Variants in PTPRD observed in about 807,000 individuals in gnomAD.
The protein encoded by PTPRD is receptor-type tyrosine-protein phosphatase delta.
Under a neutral mutation model 214.5 loss-of-function variants are expected in PTPRD, and 34 were observed. The observed-to-expected ratio is 0.16, with a 90% confidence interval of 0.12 to 0.21. The LOEUF (loss-of-function observed/expected upper bound fraction) is 0.21, where lower values mean the gene tolerates loss of function less well. Among genes scored for constraint, PTPRD ranks in the 10% least tolerant of loss-of-function variants. PTPRD has a pLI of 1.00. For synonymous variants in PTPRD, 1,128 were observed against 845.7 expected, an observed-to-expected ratio of 1.33 and a Z score of -5.79; for missense variants, 2,545 against 2,398.7, an observed-to-expected ratio of 1.06 and a Z score of -1.27.
rs1821111527 is a variant in PTPRD, at chr9:8,315,392, A to G, written c.*2482T>C. 4.3e-6 allele frequency: 1 copy of G among 232,496 alleles called. No individual in the cohort carries two copies. The highest frequency in any genetic ancestry group is 2.2e-5 in the African/African-American group (1 of 45,278). 14.4% of individuals were successfully genotyped at this position (232,496 alleles called of 1,614,324 possible). A position where few individuals can be genotyped will look rare whatever the true frequency, so the allele number is the denominator to read the frequency against. On this transcript the variant is annotated 3_prime_UTR_variant, in exon 46 of 46. Transcript: ENST00000381196. Reference sequence around the variant, plus strand: ...CAATCATTCTGGTGTGCAGTGCTCCATCGGATTCTACATGTCCAACAAGGC... The same window carrying G: ...CAATCATTCTGGTGTGCAGTGCTCCGTCGGATTCTACATGTCCAACAAGGC...
At chr9:8,669,054 C>A (rs2097224451) in intron 12 of PTPRD, among the ~76,000 whole-genome samples, 1 of 152,094 alleles carries the variant, frequency 6.6e-6, no homozygotes, top group South Asian at 2.1e-4. Context: ...AGACTCAATT[C>A]TCTCTCCTCT....
intron 43 of PTPRD, among the ~76,000 whole-genome samples, chr9:8,332,435 C>G (rs938380228): frequency 9.2e-5 from 14 of 152,064 alleles, no homozygotes; most frequent in African/African-American, 3.4e-4. Context: ...TCAAGGATAC[C>G]AACGACTATT....
At chr9:8,342,123 TAAAGTCA>T (rs1449191482) in intron 39 of PTPRD, 145 bp from the exon 40 acceptor site, 5 of 824,076 alleles carry the variant, frequency 6.1e-6, no homozygotes, top group African/African-American at 3.4e-5. Context: ...TGTAATACTC[TAAAGTCA>T]AAAGTATTAT....
At chr9:10,568,362 A>G (rs1464295474) in intron 2 of PTPRD, among the ~76,000 whole-genome samples, 5 of 151,910 alleles carry the variant, frequency 3.3e-5, no homozygotes, top group Non-Finnish European at 5.9e-5. Context: ...AATCCAGTCT[A>G]TCATTGTTGG....
chr9:9,212,859 G>C (rs910425467), intron 9 of PTPRD, among the ~76,000 whole-genome samples: 4 of 152,092 alleles, frequency 2.6e-5, no homozygotes, highest in African/African-American at 9.7e-5. Context: ...GGGATTAGGA[G>C]TTAGATCTGG....
At chr9:10,351,904 G>C (rs890897885) in intron 2 of PTPRD, among the ~76,000 whole-genome samples, 1 of 151,964 alleles carries the variant, frequency 6.6e-6, no homozygotes, top group African/African-American at 2.4e-5. Flanking sequence ...AGATGTGTTA[G>C]CAAACCTCCT....
intron 10 of PTPRD, among the ~76,000 whole-genome samples, chr9:9,149,116 G>T (rs1236977666): frequency 1.3e-5 from 2 of 152,208 alleles, no homozygotes; most frequent in Non-Finnish European, 2.9e-5. Flanking sequence ...TTAGGTTAGA[G>T]TCCTAGCATC....
intron 9 of PTPRD, among the ~76,000 whole-genome samples, chr9:9,297,032 C>T (rs1369353508): frequency 6.6e-6 from 1 of 151,692 alleles, no homozygotes; most frequent in Admixed American, 6.6e-5. Context: ...AAATGTATTT[C>T]TTCCTGAAAT....
At chr9:8,498,498 G>C (rs556691226) in intron 25 of PTPRD, among the ~76,000 whole-genome samples, 1 of 152,096 alleles carries the variant, frequency 6.6e-6, no homozygotes, top group Non-Finnish European at 1.5e-5. Context: ...GGATGGTCTC[G>C]ATCTCTTGAC....
At chr9:8,345,753 TAA>T (rs1856972160) in intron 39 of PTPRD, among the ~76,000 whole-genome samples, 1 of 152,114 alleles carries the variant, frequency 6.6e-6, no homozygotes, top group Non-Finnish European at 1.5e-5. Context: ...AGATGAACTC[TAA>T]ATGTCATCTT....
chr9:10,465,372 T>C (rs530238777), intron 2 of PTPRD, among the ~76,000 whole-genome samples: 49 of 152,228 alleles, frequency 3.2e-4, no homozygotes, highest in African/African-American at 1.1e-3. Flanking sequence ...TCCAAGTAGA[T>C]GCAAATAAAT....
chr9:9,311,036 T>G (rs1160429735), intron 9 of PTPRD, among the ~76,000 whole-genome samples: 3 of 151,582 alleles, frequency 2.0e-5, no homozygotes, highest in African/African-American at 7.3e-5. Flanking sequence ...TCAGCAACCT[T>G]AGCAAATTAA....
chr9:10,213,771 A>G (rs982177108), intron 3 of PTPRD, among the ~76,000 whole-genome samples: 34 of 152,114 alleles, frequency 2.2e-4, no homozygotes, highest in Non-Finnish European at 3.8e-4. Context: ...TTTTGTTGTT[A>G]CCAAAATACA....
intron 3 of PTPRD, among the ~76,000 whole-genome samples, chr9:10,250,345 T>C (rs2092657831): frequency 6.6e-6 from 1 of 152,226 alleles, no homozygotes; most frequent in African/African-American, 2.4e-5. Context: ...ACCACAATAA[T>C]TTTATAAGAC....
chr9:9,755,615 C>T (rs981989164), intron 6 of PTPRD, among the ~76,000 whole-genome samples: 2 of 151,972 alleles, frequency 1.3e-5, no homozygotes, highest in Non-Finnish European at 2.9e-5. Flanking sequence ...TATAATCCTT[C>T]GCTACTGTTA....
chr9:10,470,074 T>C (rs2099020498), intron 2 of PTPRD, among the ~76,000 whole-genome samples: 1 of 152,126 alleles, frequency 6.6e-6, no homozygotes, highest in South Asian at 2.1e-4. Context: ...AGGGGGCTTA[T>C]ATTTAACAAT....
intron 35 of PTPRD, among the ~76,000 whole-genome samples, chr9:8,424,184 C>A (rs1318151523): frequency 6.6e-6 from 1 of 152,114 alleles, no homozygotes; most frequent in Non-Finnish European, 1.5e-5. Flanking sequence ...AAATTTGGGA[C>A]AATAATCCTT....
intron 3 of PTPRD, among the ~76,000 whole-genome samples, chr9:10,081,101 C>G (rs1325196547): frequency 1.3e-5 from 2 of 151,866 alleles, no homozygotes; most frequent in East Asian, 3.9e-4. Context: ...CCTGCTATTT[C>G]CATCTTATAG....
intron 3 of PTPRD, among the ~76,000 whole-genome samples, chr9:10,039,223 C>A (rs2097251801): frequency 6.6e-6 from 1 of 151,968 alleles, no homozygotes; most frequent in Non-Finnish European, 1.5e-5. Context: ...TAAAAGTGAT[C>A]ATCCTATTTC....
Sources: allele counts gnomAD v4.1 joint callset (sites outside exome capture counted in the v4.1 genomes callset), GRCh38; gene constraint gnomAD v4.1.1; transcripts MANE v1.5; gene names NCBI Gene and HGNC (gene_info 2026-07-23, HGNC 2026-07-21).